The following SBSPON variants were observed in gnomAD, a reference collection of about 807,000 sequenced individuals.
SBSPON encodes somatomedin B and thrombospondin type 1 domain containing, also known as somatomedin-B and thrombospondin type-1 domain-containing protein.
SBSPON carries 30 observed loss-of-function variants against 35.8 expected under a neutral mutation model. That is an observed-to-expected ratio of 0.84 (90% confidence interval 0.63 to 1.14). The LOEUF (loss-of-function observed/expected upper bound fraction) is 1.14. SBSPON is among the 50% of genes most tolerant of loss of function. The pLI, the probability that SBSPON is intolerant of heterozygous loss-of-function variation, is 0.00. For missense variants in SBSPON, 364 were observed against 357.7 expected (o/e 1.02, Z -0.14); for synonymous variants, 136 against 135.9 (o/e 1.00, Z 0.00).
intron 2 of SBSPON, chr8:73,075,755 A>G: frequency 1.1e-6 from 1 of 948,248 alleles, no homozygotes; most frequent in Non-Finnish European, 1.3e-6. Context: ...TATAGTACAG[A>G]AGAGAGTAAA....
At chr8:73,070,192 T>C (rs896798269) in intron 3 of SBSPON, among the ~76,000 whole-genome samples, 4 of 152,218 alleles carry the variant, frequency 2.6e-5, no homozygotes, top group African/African-American at 9.7e-5. Flanking sequence ...AGAACCTTTG[T>C]GCCCTTTTTC....
rs1164802983 is a variant in SBSPON, at chr8:73,071,887, T to A, written c.410-17A>T. On this transcript the variant is annotated splice_polypyrimidine_tract_variant and intron_variant, in intron 2 of 4. Transcript: ENST00000297354. ...AGGCAGGAACTGGAAAAGGGAGATT[T>A]CTGTTGAATTCAGGGAGCCAAAGTA... 1 of 1,542,158 alleles carries A rather than the reference T, an allele frequency of 6.5e-7. No individual in the cohort carries two copies. The highest frequency in any genetic ancestry group is 9.0e-7 in the Non-Finnish European group (1 of 1,114,790).
In SBSPON at chr8:73,087,512, A is replaced by C. The variant is rs183427725; in HGVS notation, c.214+5342T>G. Reference sequence around the variant, plus strand: ...GTCCATTTGAATACTGGCTCCAGTCAGGCCCCGCTCGTTTTTTTTCTTCAA... The same window carrying C: ...GTCCATTTGAATACTGGCTCCAGTCCGGCCCCGCTCGTTTTTTTTCTTCAA... On this transcript the variant is annotated intron_variant, in intron 1 of 4. Coordinates refer to ENST00000297354, the MANE Select transcript of SBSPON (RefSeq NM_153225.4). Among the ~76,000 whole-genome samples, 190 of 152,340 alleles carry C rather than the reference A, an allele frequency of 1.2e-3. 1 individual carries two copies. The highest frequency in any genetic ancestry group is 4.2e-3 in the African/African-American group (176 of 41,580).
chr8:73,067,482 T>C (rs1476709352), intron 4 of SBSPON, 24 bp from the exon 5 acceptor site: 1 of 1,370,672 alleles, frequency 7.3e-7, no homozygotes, highest in Non-Finnish European at 1.0e-6. Context: ...TCGAAAGTGT[T>C]AGTTACACTA....
intron 3 of SBSPON, 56 bp downstream of exon 3, chr8:73,071,724 G>A (rs1396347369): frequency 9.4e-7 from 1 of 1,060,050 alleles, no homozygotes; most frequent in African/African-American, 1.6e-5. Context: ...CTCTTGCATT[G>A]ACTTGACTAT....
At chr8:73,087,978 C>A (rs1025844733) in intron 1 of SBSPON, among the ~76,000 whole-genome samples, 1 of 152,322 alleles carries the variant, frequency 6.6e-6, no homozygotes, top group Admixed American at 6.5e-5. Flanking sequence ...TACTTTTCCC[C>A]ATCCCTGGTA....
At chr8:73,075,727 G>A in intron 2 of SBSPON, 4 of 871,264 alleles carry the variant, frequency 4.6e-6, no homozygotes, top group Non-Finnish European at 5.5e-6. Context: ...CACAAAAGCA[G>A]GCCTGGGATC....
Position 73,081,013 on chromosome 8 carries a change from C to T in SBSPON, c.409+6G>A. On this transcript the variant is annotated splice_donor_region_variant and intron_variant, in intron 2 of 4. Transcript: ENST00000297354. Reference sequence around the variant, plus strand: ...ACAAAGGCAGCAACCATGAAAACATCAGTACCATAGGTGTGCCCGCAGTCC... The same window carrying T: ...ACAAAGGCAGCAACCATGAAAACATTAGTACCATAGGTGTGCCCGCAGTCC... The T allele has an allele frequency of 1.3e-6, 2 of 1,568,420 alleles. No homozygotes were observed. Among genetic ancestry groups the T allele is most frequent in the Non-Finnish European group, 1.7e-6 (2 of 1,157,790 alleles).
intron 2 of SBSPON, among the ~76,000 whole-genome samples, chr8:73,079,916 A>G (rs977973700): frequency 1.3e-5 from 2 of 152,020 alleles, no homozygotes; most frequent in African/African-American, 2.4e-5. Context: ...TTTGTGTGTG[A>G]AAAAAAAGAA....
chr8:73,083,724 A>G (rs146098756), intron 1 of SBSPON: 1 of 152,336 alleles, frequency 6.6e-6, no homozygotes, highest in East Asian at 1.9e-4. Context: ...GAGTTTCACC[A>G]GCTGTTAATG....
chr8:73,067,589 C>CTATATATATATATATATATATA lies in SBSPON; in HGVS notation c.678-132_678-131insTATATATATATATATATATATA, dbSNP rs1233223282. 31 of 104,268 alleles carry CTATATATATATATATATATATA rather than the reference C, an allele frequency of 3.0e-4. 1 individual carries two copies. The African/African-American group carries it at 3.5e-3, about 12-fold the overall frequency. 6.5% of individuals were successfully genotyped at this position (104,268 alleles called of 1,614,324 possible). On this transcript the variant is annotated intron_variant, in intron 4 of 4. Coordinates refer to ENST00000297354, the MANE Select transcript of SBSPON (RefSeq NM_153225.4). Reference sequence around the variant, plus strand: ...GCAATATAGTGAAACCCCGTCTCTACTATATATATATATATATAGTTTTTT... The same window carrying CTATATATATATATATATATATA: ...GCAATATAGTGAAACCCCGTCTCTACTATATATATATATATATATATATATATATATATATATATAGTTTTTT...
intron 3 of SBSPON, among the ~76,000 whole-genome samples, chr8:73,071,459 G>A (rs1463880877): frequency 6.6e-6 from 1 of 152,166 alleles, no homozygotes; most frequent in Non-Finnish European, 1.5e-5. Context: ...CAGAGGTGGT[G>A]CTGAAGTCTA....
intron 3 of SBSPON, among the ~76,000 whole-genome samples, chr8:73,070,477 C>T (rs2129988676): frequency 6.6e-6 from 1 of 152,318 alleles, no homozygotes; most frequent in East Asian, 1.9e-4. Flanking sequence ...GGATCTTCCC[C>T]ACCCTCTCCA....
chr8:73,086,461 C>A lies in SBSPON; in HGVS notation c.215-5248G>T, dbSNP rs572658735. Among the ~76,000 whole-genome samples, 4 of 152,234 alleles carry A rather than the reference C, an allele frequency of 2.6e-5. No individual in the cohort carries two copies. In the East Asian group the frequency reaches 7.7e-4, roughly 29 times the overall value. On this transcript the variant is annotated intron_variant, in intron 1 of 4. Coordinates refer to ENST00000297354, the MANE Select transcript of SBSPON (RefSeq NM_153225.4). ...ACAGGCATGAGCCACCGTGCCCGGCCATCATCTTCCTTTCTTTTTCTCCAT... is the reference window on the plus strand; with the variant it reads ...ACAGGCATGAGCCACCGTGCCCGGCAATCATCTTCCTTTCTTTTTCTCCAT...
intron 1 of SBSPON, among the ~76,000 whole-genome samples, chr8:73,081,655 T>C (rs769608313): frequency 6.6e-6 from 1 of 151,094 alleles, no homozygotes; most frequent in Non-Finnish European, 1.5e-5. Context: ...AAAAAAAGTA[T>C]AAAAAAGAAA....
chr8:73,081,462 G>C (rs930539165), intron 1 of SBSPON, among the ~76,000 whole-genome samples: 1 of 152,108 alleles, frequency 6.6e-6, no homozygotes, highest in Non-Finnish European at 1.5e-5. Flanking sequence ...CTAAATGTGG[G>C]TCTGATCCAG....
intron 2 of SBSPON, chr8:73,074,508 T>A (rs1033081563): frequency 1.2e-6 from 1 of 807,106 alleles, no homozygotes; most frequent in Non-Finnish European, 1.5e-6. Flanking sequence ...AGAAATGTGT[T>A]TAAGGCTCAC....
intron 1 of SBSPON, chr8:73,085,676 G>A (rs926682097): frequency 1.3e-5 from 2 of 151,768 alleles, no homozygotes; most frequent in Non-Finnish European, 1.5e-5. Flanking sequence ...CAGCCTTTAG[G>A]TACCAAAGGG....
At chr8:73,069,668 G>T in intron 4 of SBSPON, 137 bp downstream of exon 4, 1 of 695,090 alleles carries the variant, frequency 1.4e-6, no homozygotes, top group South Asian at 1.8e-5. Flanking sequence ...GCCAGAGGAT[G>T]GTCCTCCTCA....
Sources: allele counts gnomAD v4.1 joint callset (sites outside exome capture counted in the v4.1 genomes callset), GRCh38; gene constraint gnomAD v4.1.1; transcripts MANE v1.5; gene names NCBI Gene and HGNC (gene_info 2026-07-23, HGNC 2026-07-21).